RHCE: variants seen among roughly 807,000 people sequenced by gnomAD.
The protein encoded by RHCE is blood group Rh(CE) polypeptide.
In RHCE, 22 loss-of-function variants were observed where a neutral mutation model predicts 43.8. That is an observed-to-expected ratio of 0.50 (90% CI 0.36 to 0.72). The LOEUF is 0.72. Ranked by LOEUF, RHCE falls within the 30% of genes least tolerant of loss-of-function variation. The pLI, the probability that RHCE is intolerant of heterozygous loss-of-function variation, is 0.00. For missense variants in RHCE, 385 were observed against 525.4 expected, an observed-to-expected ratio of 0.73 and a Z score of 2.61; for synonymous variants, 156 against 210.7, an observed-to-expected ratio of 0.74 and a Z score of 2.25.
In RHCE at chr1:25,362,502, C is replaced by G. The variant is rs768174478; in HGVS notation, c.*25G>C. The stretch of plus-strand genomic sequence containing the variant: ...GGAAGTTGTCTTGTTTTTGAACAGG[C>G]CTTGTTTTTCTTGGATGCTTTTGCT... On this transcript the variant is annotated 3_prime_UTR_variant, in exon 10 of 10. Transcript: ENST00000294413. 2.1e-5 allele frequency: 33 copies of G among 1,592,672 alleles called. No homozygotes were observed. The Middle Eastern group carries it at 6.7e-4, about 32-fold the overall frequency.
intron 3 of RHCE, chr1:25,399,131 T>C (rs1646650889): frequency 4.2e-6 from 5 of 1,186,628 alleles, no homozygotes; most frequent in African/African-American, 1.5e-5. Context: ...TAACCTTTGC[T>C]GGGCTTTGCT....
chr1:25,391,721 T>A (rs559693781), intron 4 of RHCE, among the ~76,000 whole-genome samples: 4 of 152,146 alleles, frequency 2.6e-5, no homozygotes, highest in Admixed American at 6.5e-5. Context: ...CTCCTTTCAG[T>A]TGAAAACAAA....
intron 5 of RHCE, among the ~76,000 whole-genome samples, chr1:25,390,190 C>T: frequency 6.6e-6 from 1 of 152,184 alleles, no homozygotes; most frequent in Non-Finnish European, 1.5e-5. Flanking sequence ...ACCATTGTCT[C>T]TCTGTACTAA....
At chr1:25,429,446 C>G (rs982806461) in intron 1 of RHCE, among the ~76,000 whole-genome samples, 10 of 152,132 alleles carry the variant, frequency 6.6e-5, no homozygotes, top group African/African-American at 2.4e-4. Flanking sequence ...AGCCACCGCG[C>G]CCAGCCCTTC....
chr1:25,377,370 G>C (rs1645820715), intron 7 of RHCE, among the ~76,000 whole-genome samples: 1 of 151,778 alleles, frequency 6.6e-6, no homozygotes, highest in Admixed American at 6.6e-5. Context: ...CTAATTTTTT[G>C]TATTTTTAGT....
chr1:25,425,195 CTGT>C (rs1008892319), upstream of RHCE, among the ~76,000 whole-genome samples: 1 of 152,188 alleles, frequency 6.6e-6, no homozygotes, highest in African/African-American at 2.4e-5. Context: ...GCTGTGGTTG[CTGT>C]TGTATCCTCA....
chr1:25,418,106 T>C (rs1403041114), intron 1 of RHCE, among the ~76,000 whole-genome samples: 1 of 151,872 alleles, frequency 6.6e-6, no homozygotes, highest in Non-Finnish European at 1.5e-5. Flanking sequence ...TCAGCTCAGC[T>C]ACCTCTACCT....
At chr1:25,390,664 G>A (rs1056567297) in intron 5 of RHCE, 85 bp downstream of exon 5, 341 of 1,494,154 alleles carry the variant, frequency 2.3e-4, no homozygotes, top group Non-Finnish European at 3.0e-4. Context: ...CCCAACCCAC[G>A]CTGGCCCTGG....
intron 7 of RHCE, among the ~76,000 whole-genome samples, chr1:25,380,010 A>G (rs1022328259): frequency 8.0e-5 from 12 of 150,074 alleles, no homozygotes; most frequent in African/African-American, 2.5e-4. Context: ...TCCAGCACCA[A>G]CTCAAAATTC....
At chr1:25,404,105 T>G (rs542751966) in intron 2 of RHCE, among the ~76,000 whole-genome samples, 2 of 146,142 alleles carry the variant, frequency 1.4e-5, no homozygotes, top group African/African-American at 5.1e-5. Flanking sequence ...GAGGCAGAGG[T>G]TGCAGTCAGC....
chr1:25,401,968 C>CT (rs1646761092), intron 3 of RHCE, among the ~76,000 whole-genome samples: 1 of 152,156 alleles, frequency 6.6e-6, no homozygotes, highest in Admixed American at 6.5e-5. Flanking sequence ...CCTCCACCCT[C>CT]CGGGTTCAAG....
At chr1:25,411,261 G>T in intron 1 of RHCE, 1 of 1,529,622 alleles carries the variant, frequency 6.5e-7, no homozygotes, top group Non-Finnish European at 8.8e-7. Context: ...TTAGTACAGT[G>T]CCTAGCACAT....
At chr1:25,399,814 T>C (rs780062638) in intron 3 of RHCE, among the ~76,000 whole-genome samples, 2 of 152,072 alleles carry the variant, frequency 1.3e-5, no homozygotes, top group East Asian at 1.9e-4. Flanking sequence ...AGTTTCCCCA[T>C]AGACGTATCA....
chr1:25,399,176 T>G (rs1646651788), intron 3 of RHCE: 10 of 1,063,954 alleles, frequency 9.4e-6, no homozygotes, highest in Non-Finnish European at 1.5e-5. Flanking sequence ...TCTGCAAAGC[T>G]GTTGCCATGC....
In RHCE at chr1:25,372,883, C is replaced by A. The variant is rs559569207; in HGVS notation, c.1154-2343G>T. ...GCAGTGGCACGATCTCAGCTCACTGCAACTTCTGCCTCCCAAGCTCAACTG... is the reference window on the plus strand; with the variant it reads ...GCAGTGGCACGATCTCAGCTCACTGAAACTTCTGCCTCCCAAGCTCAACTG... On this transcript the variant is annotated intron_variant, in intron 8 of 9. Transcript: ENST00000294413. Among the ~76,000 whole-genome samples, 7 of 151,776 alleles carry A rather than the reference C, an allele frequency of 4.6e-5. No homozygotes were observed. The South Asian group carries it at 1.4e-3, about 31-fold the overall frequency.
intron 3 of RHCE, among the ~76,000 whole-genome samples, chr1:25,394,143 T>C (rs28619351): frequency 0.071 from 10,838 of 151,892 alleles, 1,243 homozygotes; most frequent in African/African-American, 0.24. Flanking sequence ...CGCCCACCAC[T>C]GTGCCCGGCT....
At chr1:25,401,899 G>A (rs1472962018) in intron 3 of RHCE, among the ~76,000 whole-genome samples, 2 of 151,348 alleles carry the variant, frequency 1.3e-5, no homozygotes, top group Non-Finnish European at 2.9e-5. Flanking sequence ...TATTGGAGAT[G>A]AAGTCTTGCT....
intron 4 of RHCE, 35 bp downstream of exon 4, chr1:25,391,959 C>G: frequency 6.2e-7 from 1 of 1,612,670 alleles, no homozygotes; most frequent in South Asian, 1.1e-5. Context: ...CTGCTCAGCC[C>G]AAGTATGAGA....
chr1:25,397,590 C>G (rs1310051674), intron 3 of RHCE, among the ~76,000 whole-genome samples: 1 of 152,062 alleles, frequency 6.6e-6, no homozygotes, highest in Admixed American at 6.6e-5. Context: ...AAGATGCCAT[C>G]ACACTCTCCC....
Sources: gnomAD v4.1 joint callset for allele counts (sites outside exome capture counted in the v4.1 genomes callset) on GRCh38, gnomAD v4.1.1 for gene constraint, MANE v1.5 for transcripts, NCBI Gene and HGNC (gene_info 2026-07-23, HGNC 2026-07-21) for gene names.